The following ZNF398 variants were observed in gnomAD, a reference collection of about 807,000 sequenced individuals.
The protein encoded by ZNF398 is zinc finger DNA binding protein ZER6.
ZNF398 carries 18 observed loss-of-function variants against 41.9 expected under a neutral mutation model. The observed-to-expected ratio is 0.43, with a 90% CI of 0.30 to 0.64. The LOEUF (loss-of-function observed/expected upper bound fraction) is 0.64, where lower values mean the gene tolerates loss of function less well. ZNF398 is among the 30% of genes least tolerant of loss of function. The probability of loss-of-function intolerance (pLI) is 0.14; values close to 1 mark genes in which losing one functional copy is unlikely to be tolerated. For synonymous variants in ZNF398, 260 were observed against 308.8 expected, an observed-to-expected ratio of 0.84 and a Z score of 1.66; for missense variants, 669 against 822.8, an observed-to-expected ratio of 0.81 and a Z score of 2.29.
chr7:149,179,735 T>A lies in ZNF398; in HGVS notation c.1863T>A (p.Gly621=). 1.2e-6 allele frequency: 2 copies of A among 1,613,430 alleles called. No individual in the cohort carries two copies. Among genetic ancestry groups the A allele is most frequent in the Non-Finnish European group, 1.7e-6 (2 of 1,179,652 alleles). Residue 621 remains glycine (G), a synonymous_variant, in exon 6 of 6, where the codon GGT becomes GGA. Transcript: ENST00000475153. This position sits in a 1 kb window ranked among gnomAD's most constrained non-coding sequence, Gnocchi z 6.1. ...LITGLETSGL[G]VNTEGLETNQ... ...CTGGGCTTGAAACTTCTGGCCTGGGTGTCAACACTGAAGGTCTAGAGACCA... is the reference window on the plus strand; with the variant it reads ...CTGGGCTTGAAACTTCTGGCCTGGGAGTCAACACTGAAGGTCTAGAGACCA...
Position 149,180,299 on chromosome 7 carries a change from T to C in ZNF398, c.*498T>C, listed in dbSNP as rs1410438862. 1 of 152,990 alleles carries C rather than the reference T, an allele frequency of 6.5e-6. No individual in the cohort carries two copies. Among genetic ancestry groups the C allele is most frequent in the African/African-American group, 2.4e-5 (1 of 41,480 alleles). 9.5% of individuals were successfully genotyped at this position (152,990 alleles called of 1,614,324 possible). On this transcript the variant is annotated 3_prime_UTR_variant, in exon 6 of 6. Coordinates refer to ENST00000475153, the MANE Select transcript of ZNF398 (RefSeq NM_170686.3). ...AAAGTGCTTAAGCCACTGTTTATGT[T>C]GCTGCCTCCTCTCTCAAAACCAGCC...
chr7:149,177,454 A>G (rs986025333), intron 5 of ZNF398, among the ~76,000 whole-genome samples: 1 of 152,166 alleles, frequency 6.6e-6, no homozygotes. Context: ...GAAAATATGC[A>G]TCAGTTTTAG....
intron 1 of ZNF398, among the ~76,000 whole-genome samples, chr7:149,150,951 C>CCT (rs1827095634): frequency 6.6e-6 from 1 of 152,186 alleles, no homozygotes. Flanking sequence ...CTCAGGTGAT[C>CCT]CACCTGTCTC....
rs1391691157 is a variant in ZNF398, at chr7:149,135,410, AAG to A, written c.-490+6468_-490+6469del. On this transcript the variant is annotated intron_variant, in intron 2 of 6. Transcript: ENST00000426851. ...GTCTCAAAAAAAAAAAAAAAAAAAA[AAG>A]AAAGAAAGAAAAAAAGAAAGCTTTA... 2.0e-5 allele frequency among the ~76,000 whole-genome samples: 3 copies of A among 148,286 alleles called. 1 individual carries two copies. The highest frequency in any genetic ancestry group is 1.4e-4 in the Admixed American group (2 of 14,726).
intron 1 of ZNF398, among the ~76,000 whole-genome samples, chr7:149,150,037 C>T (rs1201125758): frequency 1.3e-5 from 2 of 151,974 alleles, no homozygotes; most frequent in Non-Finnish European, 2.9e-5. Context: ...ACAACCTACC[C>T]AAAAAGGTGG....
chr7:149,179,052 A>G lies in ZNF398; in HGVS notation c.1180A>G (p.Ser394Gly). 1 of 1,613,596 alleles carries G rather than the reference A, an allele frequency of 6.2e-7. No individual in the cohort carries two copies. Among genetic ancestry groups the G allele is most frequent in the Non-Finnish European group, 8.5e-7 (1 of 1,179,890 alleles). Reference protein sequence around the residue: ...DLSSTSQDHASETPPTCPHCA... With the variant: ...DLSSTSQDHAGETPPTCPHCA... ...CAGCAGCACCTCCCAGGACCATGCC[A>G]GCGAGACACCCCCCACCTGCCCACA... is the stretch of plus-strand genomic sequence containing the variant. Residue 394 changes from serine (S) to glycine (G), a missense_variant, in exon 6 of 6, where the codon AGC becomes GGC. Physicochemically the swap from Ser to Gly is moderately conservative, Grantham distance 56. Transcript: ENST00000475153. This position sits in a 1 kb window ranked among gnomAD's most constrained non-coding sequence, Gnocchi z 6.1.
intron 2 of ZNF398, among the ~76,000 whole-genome samples, chr7:149,162,456 A>G (rs762399920): frequency 6.6e-6 from 1 of 152,122 alleles, no homozygotes; most frequent in Non-Finnish European, 1.5e-5. Context: ...TGCTGGGATT[A>G]CAGGTGTGAG....
At chr7:149,126,443 C>T (rs1299586284) in exon 1 of ZNF398, 3 of 717,550 alleles carry the variant, frequency 4.2e-6, no homozygotes, top group African/African-American at 3.8e-5. Context: ...GGCCCGGGCA[C>T]CCTCCGTGCG....
intron 2 of ZNF398, among the ~76,000 whole-genome samples, chr7:149,141,893 T>C (rs1826834428): frequency 6.6e-6 from 1 of 152,170 alleles, no homozygotes; most frequent in Non-Finnish European, 1.5e-5. Context: ...CCGGCCCTAA[T>C]CCACAGACTT....
In ZNF398 at chr7:149,176,572, A is replaced by T. The variant is rs151076386; in HGVS notation, c.766A>T (p.Thr256Ser). The T allele has an allele frequency of 8.0e-4, 1,283 of 1,603,936 alleles. 3 individuals carry two copies. Among genetic ancestry groups the T allele is most frequent in the Non-Finnish European group, 1.0e-3 (1,187 of 1,175,324 alleles). The change falls in exon 5 of 6, where the codon ACT (threonine) becomes TCT (serine). Residue 256 changes from threonine to serine, a missense_variant. Thr to Ser is a moderately conservative substitution (Grantham distance 58). Around this residue, in one of 3 missense-constraint regions of ZNF398, gnomAD observed 290 missense variants for 292.9 expected, o/e 0.99. Transcript: ENST00000475153. Reference sequence around the variant, plus strand: ...CAAGGAGAGTGACGTGTACAAAAGCACTTATGCTGGTGAGTATGAAATTAA... The same window carrying T: ...CAAGGAGAGTGACGTGTACAAAAGCTCTTATGCTGGTGAGTATGAAATTAA... ...ESKESDVYKS[T>S]YADEELVIKA...
chr7:149,152,014 C>G (rs142881129), intron 1 of ZNF398, among the ~76,000 whole-genome samples: 1 of 151,882 alleles, frequency 6.6e-6, no homozygotes. Context: ...GGGCGGATCA[C>G]GAGGTCAGGC....
At chr7:149,149,809 A>G (rs1412278616) in intron 1 of ZNF398, among the ~76,000 whole-genome samples, 1 of 152,158 alleles carries the variant, frequency 6.6e-6, no homozygotes, top group Non-Finnish European at 1.5e-5. Flanking sequence ...CTGCCCTCCA[A>G]CCTGGGCAAC....
chr7:149,157,403 C>T (rs1795003906), intron 2 of ZNF398, among the ~76,000 whole-genome samples: 2 of 151,580 alleles, frequency 1.3e-5, no homozygotes, highest in African/African-American at 2.4e-5. Context: ...GGCGTGGTGG[C>T]GAGCGTCTGT....
chr7:149,133,577 T>C (rs1262325575), intron 2 of ZNF398, among the ~76,000 whole-genome samples: 1 of 150,344 alleles, frequency 6.7e-6, no homozygotes, highest in Non-Finnish European at 1.5e-5. Context: ...GTGATCTGCC[T>C]GCCCCAGCTT....
intron 4 of ZNF398, among the ~76,000 whole-genome samples, chr7:149,173,093 A>ATTT (rs71192762): frequency 7.7e-5 from 5 of 64,958 alleles, no homozygotes; most frequent in Non-Finnish European, 8.3e-5. Context: ...GGCAATTTCT[A>ATTT]TTTTTTTTTT....
At position 149,153,993 on chromosome 7, in the gene ZNF398, C is replaced by A; in HGVS notation, c.73C>A (p.Leu25Ile). The change falls in exon 2 of 6, where the codon CTT becomes ATT. Residue 25 changes from leucine (L) to isoleucine (I), a missense_variant. Physicochemically the swap from Leu to Ile is conservative, Grantham distance 5 (BLOSUM62 2). This residue lies in a region of ZNF398 where 169 missense variants were observed against 239.5 expected (regional missense o/e 0.71). Coordinates refer to ENST00000475153, the MANE Select transcript of ZNF398 (RefSeq NM_170686.3). ...CCTTACATCCCTGCAGCCCCTTCCTCTTCCTACACCCCCAGCAGCAAATGA... is the reference window on the plus strand; with the variant it reads ...CCTTACATCCCTGCAGCCCCTTCCTATTCCTACACCCCCAGCAGCAAATGA... ...ECLTSLQPLPLPTPPAANEAH... is the reference protein window; with the variant it reads ...ECLTSLQPLPIPTPPAANEAH... 1 of 1,614,114 alleles carries A rather than the reference C, an allele frequency of 6.2e-7. No homozygotes were observed. The highest frequency in any genetic ancestry group is 8.5e-7 in the Non-Finnish European group (1 of 1,180,014).
chr7:149,153,684 C>T (rs1794908047), intron 1 of ZNF398, among the ~76,000 whole-genome samples: 3 of 152,108 alleles, frequency 2.0e-5, no homozygotes, highest in Non-Finnish European at 4.4e-5. Context: ...GGCCTTATAG[C>T]GGAGGAAATA....
At chr7:149,137,870 A>G (rs1214609576) in intron 2 of ZNF398, among the ~76,000 whole-genome samples, 1 of 152,198 alleles carries the variant, frequency 6.6e-6, no homozygotes, top group Non-Finnish European at 1.5e-5. Context: ...GGAAGCATCC[A>G]TAAGATGAAA....
chr7:149,166,981 A>G, intron 4 of ZNF398, 51 bp downstream of exon 4: 1 of 1,373,282 alleles, frequency 7.3e-7, no homozygotes, highest in South Asian at 1.3e-5. Context: ...CTGGTCAGAC[A>G]TGGTGGCTCA....
Sources: allele counts gnomAD v4.1 joint callset (sites outside exome capture counted in the v4.1 genomes callset), GRCh38; gene constraint gnomAD v4.1.1; regional missense constraint gnomAD v4.1.1; non-coding constraint Gnocchi (gnomAD v3.1); transcripts MANE v1.5; gene names NCBI Gene and HGNC (gene_info 2026-07-23, HGNC 2026-07-21).